The following WWOX variants were observed in gnomAD, a reference collection of about 807,000 sequenced individuals.
WWOX encodes the protein WW domain-containing oxidoreductase.
WWOX carries 69 observed loss-of-function variants against 46.2 expected under a neutral mutation model. The ratio of observed to expected loss-of-function variants is 1.49; its 90% CI spans 1.23 to 1.82. The LOEUF (loss-of-function observed/expected upper bound fraction) is 1.82, where lower values mean the gene tolerates loss of function less well. WWOX is among the 40% of genes most tolerant of loss of function. The pLI is 0.00. For synonymous variants in WWOX, 359 were observed against 202.6 expected (o/e 1.77, Z -6.56); for missense variants, 919 against 542.6 (o/e 1.69, Z -6.89).
intron 8 of WWOX, among the ~76,000 whole-genome samples, chr16:79,138,614 C>T (rs1340569379): frequency 6.6e-6 from 1 of 152,164 alleles, no homozygotes; most frequent in Non-Finnish European, 1.5e-5. Context: ...TTACCTGTGC[C>T]AGGGATGCAC....
chr16:78,867,886 C>A (rs965301496), intron 8 of WWOX, among the ~76,000 whole-genome samples: 1 of 152,114 alleles, frequency 6.6e-6, no homozygotes, highest in Non-Finnish European at 1.5e-5. Flanking sequence ...GATTTATTAT[C>A]CCAAGAGTTG....
At chr16:78,242,657 T>G (rs1400141189) in intron 5 of WWOX, among the ~76,000 whole-genome samples, 1 of 152,108 alleles carries the variant, frequency 6.6e-6, no homozygotes, top group Non-Finnish European at 1.5e-5. Context: ...CCTTCTCTCC[T>G]CTCTGGAACC....
In WWOX at chr16:78,730,613, G is replaced by A. The variant is rs558470596; in HGVS notation, c.1056+297861G>A. Among the ~76,000 whole-genome samples, 412 of 118,772 alleles carry A rather than the reference G, an allele frequency of 3.5e-3. 1 individual carries two copies. The highest frequency in any genetic ancestry group is 0.014 in the African/African-American group (396 of 27,974). 77.9% of individuals were successfully genotyped at this position (118,772 alleles called of 152,430 possible). On this transcript the variant is annotated intron_variant, in intron 8 of 8. Coordinates refer to ENST00000566780, the MANE Select transcript of WWOX (RefSeq NM_016373.4). ...ACCACAGGTGCATGCCACCACGCCC[G>A]GCAATTTTTTTTTTTTTTTTTTTTT...
chr16:78,559,355 C>T (rs1419333341), intron 8 of WWOX, among the ~76,000 whole-genome samples: 1 of 152,172 alleles, frequency 6.6e-6, no homozygotes, highest in African/African-American at 2.4e-5. Flanking sequence ...GGCAAGAGAT[C>T]ATGGAGGCCA....
chr16:79,176,310 C>A (rs2050799469), intron 8 of WWOX, among the ~76,000 whole-genome samples: 1 of 152,216 alleles, frequency 6.6e-6, no homozygotes. Context: ...ATTCTCCCTG[C>A]TGATATCTGC....
intron 5 of WWOX, among the ~76,000 whole-genome samples, chr16:78,289,294 C>T (rs895442726): frequency 2.0e-5 from 3 of 152,078 alleles, no homozygotes; most frequent in African/African-American, 7.2e-5. Context: ...AAGAATAAAA[C>T]CTAGGCGAGG....
chr16:78,943,582 G>C (rs1300034887), intron 8 of WWOX, among the ~76,000 whole-genome samples: 1 of 152,160 alleles, frequency 6.6e-6, no homozygotes, highest in Non-Finnish European at 1.5e-5. Flanking sequence ...ATCAGTCCTG[G>C]GAAACAAACA....
At chr16:79,023,973 C>A (rs982377387) in intron 8 of WWOX, among the ~76,000 whole-genome samples, 8 of 146,038 alleles carry the variant, frequency 5.5e-5, no homozygotes, top group East Asian at 2.1e-4. Flanking sequence ...ACAAAAAAAA[C>A]ATTATATTAA....
chr16:78,246,362 T>A (rs2037815169), intron 5 of WWOX, among the ~76,000 whole-genome samples: 1 of 152,196 alleles, frequency 6.6e-6, no homozygotes, highest in African/African-American at 2.4e-5. Flanking sequence ...TCCTACCTTT[T>A]TTTTCCCCTT....
At position 78,833,885 on chromosome 16, in the gene WWOX, C is replaced by A. The variant is rs141493134; in HGVS notation, c.1057-377723C>A. Reference sequence around the variant, plus strand: ...TTCATGCCTTCTCTATGGTACCATACAGGCACTTTGTCTCCCAGTGGAATA... The same window carrying A: ...TTCATGCCTTCTCTATGGTACCATAAAGGCACTTTGTCTCCCAGTGGAATA... On this transcript the variant is annotated intron_variant, in intron 8 of 8. Transcript: ENST00000566780. Among the ~76,000 whole-genome samples, 342 of 152,378 alleles carry A rather than the reference C, an allele frequency of 2.2e-3. 1 individual carries two copies. Among genetic ancestry groups the A allele is most frequent in the African/African-American group, 7.4e-3 (309 of 41,594 alleles).
chr16:78,240,949 T>C (rs1354871861), intron 5 of WWOX, among the ~76,000 whole-genome samples: 2 of 152,148 alleles, frequency 1.3e-5, no homozygotes, highest in African/African-American at 4.8e-5. Flanking sequence ...GTATCGCTTG[T>C]CTCAGGATGA....
At chr16:78,827,143 A>G (rs1335076030) in intron 8 of WWOX, among the ~76,000 whole-genome samples, 1 of 152,044 alleles carries the variant, frequency 6.6e-6, no homozygotes, top group Non-Finnish European at 1.5e-5. Context: ...GGCTAAATCA[A>G]ATTTAGCTGT....
At chr16:78,717,246 C>G (rs1170909854) in intron 8 of WWOX, among the ~76,000 whole-genome samples, 1 of 152,030 alleles carries the variant, frequency 6.6e-6, no homozygotes, top group Non-Finnish European at 1.5e-5. Flanking sequence ...TTAAGCATTG[C>G]TAAATTGGAA....
chr16:78,635,362 G>T (rs969077346), intron 8 of WWOX, among the ~76,000 whole-genome samples: 19 of 152,174 alleles, frequency 1.2e-4, no homozygotes, highest in Non-Finnish European at 2.8e-4. Flanking sequence ...CACTCCCTTA[G>T]ATCCTGATTA....
intron 6 of WWOX, among the ~76,000 whole-genome samples, chr16:78,389,986 A>G (rs1358580114): frequency 2.0e-5 from 3 of 152,120 alleles, no homozygotes; most frequent in African/African-American, 4.8e-5. Flanking sequence ...ACCTCAAGTG[A>G]TCTCTCCACC....
intron 8 of WWOX, chr16:78,892,142 A>T (rs762803543): frequency 5.9e-5 from 9 of 152,160 alleles, no homozygotes; most frequent in Non-Finnish European, 1.0e-4. Context: ...GTTTCATACT[A>T]ATTTTCTACT....
Position 79,047,672 on chromosome 16 carries a change from A to ATTTTTTTT in WWOX, c.1057-163914_1057-163907dup, listed in dbSNP as rs71140858. ...GTGACTTTCTCCTGAGACTGTCCTGATTTTTTTTTTTTTTTTTTTTTTTTT... is the reference window on the plus strand; with the variant it reads ...GTGACTTTCTCCTGAGACTGTCCTGATTTTTTTTTTTTTTTTTTTTTTTTTTTTTTTTT... On this transcript the variant is annotated intron_variant, in intron 8 of 8. Coordinates refer to ENST00000566780, the MANE Select transcript of WWOX (RefSeq NM_016373.4). 4.3e-4 allele frequency among the ~76,000 whole-genome samples: 23 copies of ATTTTTTTT among 53,532 alleles called. 2 individuals are homozygous for ATTTTTTTT. Among genetic ancestry groups the ATTTTTTTT allele is most frequent in the African/African-American group, 5.4e-4 (7 of 13,056 alleles). The allele number at this position is 53,532 out of a possible 152,430, so 35.1% of individuals were successfully genotyped here.
chr16:78,588,824 G>C (rs1175833999), intron 8 of WWOX, among the ~76,000 whole-genome samples: 1 of 152,212 alleles, frequency 6.6e-6, no homozygotes, highest in Non-Finnish European at 1.5e-5. Flanking sequence ...TCTCTGTGGA[G>C]AGGTGCAGGT....
intron 8 of WWOX, among the ~76,000 whole-genome samples, chr16:78,992,924 A>C (rs1273720683): frequency 3.5e-5 from 5 of 142,156 alleles, no homozygotes; most frequent in Non-Finnish European, 7.6e-5. Flanking sequence ...ATCTACGTAT[A>C]ATTTTTGCCT....
Sources: allele counts gnomAD v4.1 joint callset (sites outside exome capture counted in the v4.1 genomes callset), GRCh38; gene constraint gnomAD v4.1.1; transcripts MANE v1.5; gene names NCBI Gene and HGNC (gene_info 2026-07-23, HGNC 2026-07-21).